The following RIPOR2 variants were observed in gnomAD, a reference collection of about 807,000 sequenced individuals.
RIPOR2 encodes the protein RHO family interacting cell polarization regulator 2, also known as rho family-interacting cell polarization regulator 2.
In RIPOR2, 39 loss-of-function variants were observed where a neutral mutation model predicts 114.5. The ratio of observed to expected loss-of-function variants is 0.34; its 90% confidence interval spans 0.26 to 0.44. RIPOR2 has a LOEUF of 0.44. Among genes scored for constraint, RIPOR2 ranks in the 20% least tolerant of loss-of-function variants. The pLI is 1.00. For missense variants in RIPOR2, 1,007 were observed against 1,255.1 expected (o/e 0.80, Z 2.99); for synonymous variants, 445 against 484.4 (o/e 0.92, Z 1.07).
chr6:24,875,765 C>G lies in RIPOR2; in HGVS notation c.114G>C (p.Ser38=), dbSNP rs2295197. 2,617 of 1,613,402 alleles carry G rather than the reference C, an allele frequency of 1.6e-3. 37 individuals are homozygous for G. In the East Asian group the frequency reaches 0.025, roughly 15 times the overall value. Residue 38 remains serine (S), a synonymous_variant, in exon 2 of 22, where the codon TCG becomes TCC. Coordinates refer to ENST00000643898, the MANE Select transcript of RIPOR2 (RefSeq NM_001286445.3). Reference sequence around the variant, plus strand: ...TAATGATCCCATTGGGCCCTCCAGGCGAAAAAGACTGGGATCCTACCAACA... The same window carrying G: ...TAATGATCCCATTGGGCCCTCCAGGGGAAAAAGACTGGGATCCTACCAACA... ...EIMLVGSQSF[S]PGGPNGIIRS...
In RIPOR2 at chr6:24,843,244, G is replaced by A. The variant is rs376099487; in HGVS notation, c.1475C>T (p.Ser492Leu). ...TCGGCGGCAAGCCTCAGATGGGGCC[G>A]AGGCAGGTTTTCTGGGCTCCTCTGG... ...EDPEEPRKPA[S>L]APSEACRRQS... The change falls in exon 13 of 22, where the codon TCG (serine) becomes TTG (leucine). Residue 492 changes from serine to leucine, a missense_variant. Ser to Leu is a moderately radical substitution (Grantham distance 145). Transcript: ENST00000643898. The A allele has an allele frequency of 9.9e-6, 16 of 1,614,000 alleles. No individual in the cohort carries two copies. The highest frequency in any genetic ancestry group is 5.3e-5 in the African/African-American group (4 of 75,048).
intron 1 of RIPOR2, among the ~76,000 whole-genome samples, chr6:24,981,324 TTTC>T (rs1179546152): frequency 6.6e-6 from 1 of 152,222 alleles, no homozygotes; most frequent in Non-Finnish European, 1.5e-5. Context: ...CTGCGCACTT[TTTC>T]TTCTGTAAAG....
intron 1 of RIPOR2, among the ~76,000 whole-genome samples, chr6:24,973,420 G>T (rs1227989490): frequency 6.6e-6 from 1 of 151,924 alleles, no homozygotes; most frequent in Non-Finnish European, 1.5e-5. Context: ...GGCCAACATG[G>T]TGAAACCCCC....
intron 3 of RIPOR2, among the ~76,000 whole-genome samples, 194 bp downstream of exon 3, chr6:24,873,450 C>A (rs1190685373): frequency 6.6e-6 from 1 of 152,192 alleles, no homozygotes; most frequent in African/African-American, 2.4e-5. Context: ...AGGTCTCCAT[C>A]AATGTTATGA....
chr6:24,938,860 T>C (rs1392941547), upstream of RIPOR2, among the ~76,000 whole-genome samples: 1 of 152,216 alleles, frequency 6.6e-6, no homozygotes. Context: ...ATGACATACA[T>C]GCATGATGTG....
rs1244718907 is a variant in RIPOR2, at chr6:24,949,519, C to T, written c.77-73702G>A. ...TCAGGACATCTTTAGGGTCAGGTTTCGTGAAATAGGTAGGTTGGGCCAGCT... is the reference window on the plus strand; with the variant it reads ...TCAGGACATCTTTAGGGTCAGGTTTTGTGAAATAGGTAGGTTGGGCCAGCT... On this transcript the variant is annotated intron_variant, in intron 1 of 13. Transcript: ENST00000510784. Among the ~76,000 whole-genome samples, 14 of 152,276 alleles carry T rather than the reference C, an allele frequency of 9.2e-5. No individual in the cohort carries two copies. The East Asian group carries it at 2.1e-3, about 23-fold the overall frequency.
intron 1 of RIPOR2, among the ~76,000 whole-genome samples, chr6:24,882,209 G>A (rs538654220): frequency 4.5e-4 from 69 of 152,314 alleles, no homozygotes; most frequent in Admixed American, 1.8e-3. Flanking sequence ...TTATGAACTG[G>A]CATTCTGGCT....
intron 1 of RIPOR2, among the ~76,000 whole-genome samples, chr6:24,879,711 T>A (rs1193068747): frequency 6.6e-6 from 1 of 152,216 alleles, no homozygotes; most frequent in African/African-American, 2.4e-5. Flanking sequence ...GGGGTGGTAG[T>A]TCTTCGCTAC....
intron 1 of RIPOR2, among the ~76,000 whole-genome samples, chr6:25,019,082 C>T (rs1024186438): frequency 5.3e-5 from 8 of 152,228 alleles, no homozygotes; most frequent in African/African-American, 1.9e-4. Context: ...TTTAGAATAA[C>T]AAAATAGTGT....
chr6:24,970,371 C>A (rs575511034), intron 1 of RIPOR2, among the ~76,000 whole-genome samples: 2 of 152,248 alleles, frequency 1.3e-5, no homozygotes, highest in South Asian at 4.1e-4. Flanking sequence ...TCAAAGAGGT[C>A]TTGAATTCTG....
chr6:24,890,643 C>A lies in RIPOR2; in HGVS notation c.62-14826G>T, dbSNP rs569186981. On this transcript the variant is annotated intron_variant, in intron 1 of 21. Transcript: ENST00000643898. ...AAAATTACACTTGGACCTTTGTACC[C>A]AATAGATTTTTTTCTTTTTTTTTTT... Among the ~76,000 whole-genome samples the A allele has an allele frequency of 5.4e-5, 8 of 148,244 alleles. No individual in the cohort carries two copies. In the East Asian group the frequency reaches 1.6e-3, roughly 30 times the overall value.
intron 1 of RIPOR2, among the ~76,000 whole-genome samples, chr6:24,971,567 C>T (rs117561079): frequency 1.0e-3 from 158 of 152,282 alleles, no homozygotes; most frequent in East Asian, 5.8e-3. Flanking sequence ...TCTTCCTATG[C>T]GTGGTTAATA....
intron 21 of RIPOR2, among the ~76,000 whole-genome samples, 196 bp downstream of exon 21, chr6:24,809,521 G>C (rs976755611): frequency 3.3e-5 from 5 of 152,254 alleles, no homozygotes; most frequent in Non-Finnish European, 5.9e-5. Flanking sequence ...CATCCAGACA[G>C]AACAAGGAGT....
intron 1 of RIPOR2, among the ~76,000 whole-genome samples, chr6:24,956,822 G>A (rs1773062211): frequency 1.3e-5 from 2 of 152,140 alleles, no homozygotes; most frequent in Admixed American, 6.5e-5. Context: ...GATAAACATT[G>A]TTTTGTTTTC....
At chr6:24,860,017 G>A (rs559694768) in intron 8 of RIPOR2, among the ~76,000 whole-genome samples, 82 of 152,200 alleles carry the variant, frequency 5.4e-4, no homozygotes, top group Non-Finnish European at 1.0e-3. Flanking sequence ...CCACTGAGCC[G>A]TAAATCTGAC....
At chr6:25,022,532 ATTTTTTTTTTTTTTTTTTTTTT>A (rs10564019) in intron 1 of RIPOR2, among the ~76,000 whole-genome samples, 4 of 40,950 alleles carry the variant, frequency 9.8e-5, no homozygotes, top group East Asian at 1.1e-3. Context: ...GGTACCTTCC[ATTTTTTTTTTTTTTTTTTTTTT>A]TTTTTTTTTT....
intron 19 of RIPOR2, among the ~76,000 whole-genome samples, chr6:24,822,640 T>TCCC (rs1447030867): frequency 6.6e-6 from 1 of 152,142 alleles, no homozygotes; most frequent in Non-Finnish European, 1.5e-5. Context: ...TGCCTCAGCC[T>TCCC]CCCGAGTAGC....
In RIPOR2 at chr6:24,883,978, T is replaced by G. The variant is rs1766574309; in HGVS notation, c.62-8161A>C. Reference sequence around the variant, plus strand: ...AATAGCCTGCTATGCAAAATAATTATTTAAGATGAAAACTAAAGATACACG... The same window carrying G: ...AATAGCCTGCTATGCAAAATAATTAGTTAAGATGAAAACTAAAGATACACG... On this transcript the variant is annotated intron_variant, in intron 1 of 21. Coordinates refer to ENST00000643898, the MANE Select transcript of RIPOR2 (RefSeq NM_001286445.3). This position sits in a 1 kb window ranked among gnomAD's most constrained non-coding sequence, Gnocchi z 4.1. 6.6e-6 allele frequency among the ~76,000 whole-genome samples: 1 copy of G among 152,226 alleles called. No homozygotes were observed. The highest frequency in any genetic ancestry group is 2.1e-4 in the South Asian group (1 of 4,836).
chr6:25,024,352 A>C, intron 1 of RIPOR2: 1 of 1,430,038 alleles, frequency 7.0e-7, no homozygotes, highest in Non-Finnish European at 9.8e-7. Flanking sequence ...GCTTCCTCGA[A>C]GTCTTCCTTC....
Sources: allele counts gnomAD v4.1 joint callset (sites outside exome capture counted in the v4.1 genomes callset), GRCh38; gene constraint gnomAD v4.1.1; non-coding constraint Gnocchi (gnomAD v3.1); transcripts MANE v1.5; gene names NCBI Gene and HGNC (gene_info 2026-07-23, HGNC 2026-07-21).